AK8: variants seen among roughly 807,000 people sequenced by gnomAD.
AK8 encodes ATP-AMP transphosphorylase 8.
Under a neutral mutation model 54.6 loss-of-function variants are expected in AK8, and 44 were observed. That is an observed-to-expected ratio of 0.81 (90% CI 0.63 to 1.04). AK8 has a LOEUF of 1.04. Among genes scored for constraint, AK8 ranks in the 50% least tolerant of loss-of-function variants. The pLI is 0.00. For missense variants in AK8, 555 were observed against 613.6 expected, an observed-to-expected ratio of 0.90 and a Z score of 1.01; for synonymous variants, 239 against 245.6, an observed-to-expected ratio of 0.97 and a Z score of 0.25.
chr9:132,728,270 C>T (rs1054603448), intron 11 of AK8, among the ~76,000 whole-genome samples: 25 of 152,206 alleles, frequency 1.6e-4, no homozygotes, highest in Non-Finnish European at 3.1e-4. Context: ...GCACTAGGCT[C>T]CCCTGGTTCA....
chr9:132,761,264 C>CTTTTT (rs1271795125), intron 11 of AK8, among the ~76,000 whole-genome samples: 3 of 100,102 alleles, frequency 3.0e-5, no homozygotes, highest in African/African-American at 1.6e-4. Context: ...CTTTTCTTTT[C>CTTTTT]TTTTCTTTTT....
intron 11 of AK8, among the ~76,000 whole-genome samples, chr9:132,741,613 C>T (rs1188752462): frequency 6.6e-6 from 1 of 152,162 alleles, no homozygotes. Flanking sequence ...ACTGAAGCAT[C>T]GTGAGGGTCT....
At chr9:132,802,049 C>T (rs557709182) in intron 10 of AK8, among the ~76,000 whole-genome samples, 21 of 152,260 alleles carry the variant, frequency 1.4e-4, no homozygotes, top group African/African-American at 2.6e-4. Flanking sequence ...TGCCTTTGGG[C>T]GACTCATTTT....
Position 132,725,861 on chromosome 9 carries a change from TTGGGTTC to T in AK8, c.1260_1266del (p.Asn421ArgfsTer9). On this transcript the variant is annotated frameshift_variant, in exon 13 of 13. Transcript: ENST00000298545. LOFTEE classifies it high-confidence loss of function. ...AGCTTGACCTGCTCTTCAGCATCCT[TTGGGTTC>T]TGCAGGAGGCGAGCCTGGATCTCCA... The T allele has an allele frequency of 6.2e-7, 1 of 1,610,804 alleles. No individual in the cohort carries two copies. The highest frequency in any genetic ancestry group is 8.5e-7 in the Non-Finnish European group (1 of 1,179,112).
chr9:132,821,351 C>A (rs966734400), intron 9 of AK8, among the ~76,000 whole-genome samples: 7 of 152,140 alleles, frequency 4.6e-5, no homozygotes, highest in Non-Finnish European at 1.0e-4. Flanking sequence ...GACTGCTGGT[C>A]ATCGGAACAA....
intron 11 of AK8, among the ~76,000 whole-genome samples, chr9:132,789,416 G>A (rs1225796015): frequency 2.0e-5 from 3 of 151,688 alleles, no homozygotes; most frequent in Non-Finnish European, 4.4e-5. Flanking sequence ...TGGCCGACAT[G>A]GTAAAACCCG....
chr9:132,795,388 G>A (rs184508793), intron 10 of AK8, among the ~76,000 whole-genome samples: 1 of 152,296 alleles, frequency 6.6e-6, no homozygotes, highest in East Asian at 1.9e-4. Context: ...AGGAACTGGG[G>A]CGTGGGGAGC....
chr9:132,759,067 T>C (rs144635549), intron 11 of AK8, among the ~76,000 whole-genome samples: 1,745 of 151,588 alleles, frequency 0.012, 38 homozygotes, highest in African/African-American at 0.04. Context: ...GGTGTGGTGG[T>C]GTGTTGTAGT....
At chr9:132,764,503 T>A (rs1381717287) in intron 11 of AK8, among the ~76,000 whole-genome samples, 1 of 152,118 alleles carries the variant, frequency 6.6e-6, no homozygotes, top group Non-Finnish European at 1.5e-5. Context: ...GTACCACAGA[T>A]ATACAAAGGC....
At chr9:132,869,601 CA>C (rs1180438372) in intron 2 of AK8, among the ~76,000 whole-genome samples, 2 of 152,258 alleles carry the variant, frequency 1.3e-5, no homozygotes, top group Non-Finnish European at 2.9e-5. Flanking sequence ...GGCGGGCATT[CA>C]GCGGCCCTTT....
chr9:132,801,771 C>T (rs1840469190), intron 10 of AK8, among the ~76,000 whole-genome samples: 1 of 152,202 alleles, frequency 6.6e-6, no homozygotes, highest in Non-Finnish European at 1.5e-5. Flanking sequence ...TGTCTTTGTT[C>T]TAATACAAAT....
intron 11 of AK8, among the ~76,000 whole-genome samples, chr9:132,750,205 G>A (rs909834990): frequency 1.3e-5 from 2 of 151,716 alleles, no homozygotes; most frequent in East Asian, 1.9e-4. Flanking sequence ...TGCAACCTCC[G>A]CCTCCTGGGT....
chr9:132,829,140 T>G (rs1204438621), intron 5 of AK8, among the ~76,000 whole-genome samples: 3 of 152,152 alleles, frequency 2.0e-5, no homozygotes, highest in African/African-American at 7.2e-5. Context: ...GTATTTTTAG[T>G]AGAAACAGAG....
intron 9 of AK8, among the ~76,000 whole-genome samples, chr9:132,815,867 C>T (rs1050222234): frequency 2.6e-5 from 4 of 152,340 alleles, no homozygotes; most frequent in South Asian, 2.1e-4. Context: ...AAGTTTTCTG[C>T]CTATACTAAG....
Position 132,751,492 on chromosome 9 carries a change from C to T in AK8, c.1122-23958G>A, listed in dbSNP as rs151060293. Among the ~76,000 whole-genome samples the T allele has an allele frequency of 4.7e-5, 7 of 150,516 alleles. 1 individual carries two copies. The East Asian group carries it at 1.4e-3, about 29-fold the overall frequency. On this transcript the variant is annotated intron_variant, in intron 11 of 12. Coordinates refer to ENST00000298545, the MANE Select transcript of AK8 (RefSeq NM_152572.3). ...GCAACATCCTGGTGGTTGCAGTGAG[C>T]CGAGATCATGCCACTGCACTCTAGC...
At chr9:132,804,355 G>A (rs915406695) in intron 10 of AK8, among the ~76,000 whole-genome samples, 1 of 152,168 alleles carries the variant, frequency 6.6e-6, no homozygotes, top group African/African-American at 2.4e-5. Context: ...GACAGCGTGA[G>A]CAGAAACAGG....
rs1427998699 is a variant in AK8 at position 132,871,245 on chromosome 9, CAAAACAAAAAGA to C, written c.169+3858_169+3869del. Among the ~76,000 whole-genome samples the C allele has an allele frequency of 3.9e-5, 6 of 151,958 alleles. No homozygotes were observed. The East Asian group carries it at 9.6e-4, about 24-fold the overall frequency. On this transcript the variant is annotated intron_variant, in intron 2 of 12. Transcript: ENST00000298545. ...TAGGCGACAGAGCCAGACTCCATCT[CAAAACAAAAAGA>C]AAAACAAAAAAACAGAAAAAGAAAA...
intron 9 of AK8, among the ~76,000 whole-genome samples, chr9:132,820,828 ACAGCAC>A (rs1841563024): frequency 6.6e-6 from 1 of 152,252 alleles, no homozygotes; most frequent in Admixed American, 6.5e-5. Context: ...AGCGGAGCAG[ACAGCAC>A]CTGGAGCTCT....
At chr9:132,809,648 C>T (rs985206782) in intron 10 of AK8, among the ~76,000 whole-genome samples, 6 of 152,210 alleles carry the variant, frequency 3.9e-5, no homozygotes, top group African/African-American at 1.4e-4. Context: ...CCAAATGTGA[C>T]CTGGGTTCTC....
Sources: gnomAD v4.1 joint callset for allele counts (sites outside exome capture counted in the v4.1 genomes callset) on GRCh38, gnomAD v4.1.1 for gene constraint, MANE v1.5 for transcripts, NCBI Gene and HGNC (gene_info 2026-07-23, HGNC 2026-07-21) for gene names.